The following ASIC2 variants were observed in gnomAD, a reference collection of about 807,000 sequenced individuals.
The protein encoded by ASIC2 is acid-sensing ion channel 2.
A neutral mutation model predicts 57.3 loss-of-function variants in ASIC2; 25 were observed. The ratio of observed to expected loss-of-function variants is 0.44; its 90% CI spans 0.32 to 0.61. The LOEUF is 0.61. Ranked by LOEUF, ASIC2 falls within the 20% of genes least tolerant of loss-of-function variation. The pLI is 0.06. For missense variants in ASIC2, 641 were observed against 738.1 expected (o/e 0.87, Z 1.52); for synonymous variants, 319 against 307.5 (o/e 1.04, Z -0.39).
chr17:34,007,183 G>A (rs953369012), intron 1 of ASIC2, among the ~76,000 whole-genome samples: 1 of 152,102 alleles, frequency 6.6e-6, no homozygotes, highest in Admixed American at 6.5e-5. Flanking sequence ...CATCAAAATC[G>A]ATTTTAGAGC....
chr17:33,958,687 C>T (rs934896765), intron 1 of ASIC2, among the ~76,000 whole-genome samples: 2 of 152,122 alleles, frequency 1.3e-5, no homozygotes, highest in Non-Finnish European at 2.9e-5. Context: ...GACCTCCCAG[C>T]CTGTGATGGG....
At chr17:33,305,772 G>A (rs1303001494) in intron 1 of ASIC2, among the ~76,000 whole-genome samples, 1 of 152,170 alleles carries the variant, frequency 6.6e-6, no homozygotes, top group African/African-American at 2.4e-5. Context: ...AAAAAAAGTT[G>A]TGATGCTTAA....
intron 1 of ASIC2, among the ~76,000 whole-genome samples, chr17:33,716,894 A>G (rs1909241096): frequency 6.6e-6 from 1 of 152,234 alleles, no homozygotes; most frequent in Non-Finnish European, 1.5e-5. Flanking sequence ...AAGGCACTTC[A>G]ATATAGCATG....
At chr17:34,120,807 C>T (rs1408532894) in intron 1 of ASIC2, among the ~76,000 whole-genome samples, 4 of 140,476 alleles carry the variant, frequency 2.8e-5, no homozygotes, top group Admixed American at 2.3e-4. Context: ...GGCACCATCT[C>T]GGCTCACTGC....
At chr17:33,225,218 C>T (rs1907834154) in intron 1 of ASIC2, among the ~76,000 whole-genome samples, 1 of 152,182 alleles carries the variant, frequency 6.6e-6, no homozygotes, top group African/African-American at 2.4e-5. Flanking sequence ...TTTGTTATAG[C>T]AAGAAACTGA....
chr17:34,078,259 C>G (rs1294852256), intron 1 of ASIC2, among the ~76,000 whole-genome samples: 3 of 152,186 alleles, frequency 2.0e-5, no homozygotes, highest in Non-Finnish European at 1.5e-5. Context: ...GAGGTAGGCT[C>G]TGATTCATCC....
chr17:33,106,432 T>A (rs4239236), intron 2 of ASIC2, among the ~76,000 whole-genome samples: 97,060 of 152,126 alleles, frequency 0.64, 31,403 homozygotes, highest in African/African-American at 0.74. Flanking sequence ...GAAGGAGATG[T>A]GAAAGGGAGG....
intron 1 of ASIC2, among the ~76,000 whole-genome samples, chr17:33,392,412 C>T (rs544327099): frequency 1.3e-5 from 2 of 152,044 alleles, no homozygotes; most frequent in African/African-American, 4.8e-5. Context: ...TACAGGTGCC[C>T]ACCACCACAC....
At chr17:33,173,164 G>A (rs1303773994) in intron 1 of ASIC2, among the ~76,000 whole-genome samples, 4 of 152,150 alleles carry the variant, frequency 2.6e-5, no homozygotes, top group Admixed American at 2.6e-4. Flanking sequence ...TATAGAAGAT[G>A]AGGCAGACTC....
At chr17:33,489,947 T>C (rs1327614319) in intron 1 of ASIC2, among the ~76,000 whole-genome samples, 2 of 152,246 alleles carry the variant, frequency 1.3e-5, no homozygotes, top group Non-Finnish European at 2.9e-5. Context: ...TATTCCACGA[T>C]CTTAACTGAA....
intron 3 of ASIC2, among the ~76,000 whole-genome samples, chr17:33,037,372 G>T (rs2091913153): frequency 6.7e-6 from 1 of 149,748 alleles, no homozygotes. Context: ...TTTGTTCAGG[G>T]TCAGCCACTT....
chr17:33,413,694 CT>C (rs1910740956), intron 1 of ASIC2, among the ~76,000 whole-genome samples: 2 of 152,228 alleles, frequency 1.3e-5, no homozygotes, highest in Middle Eastern at 3.2e-3. Flanking sequence ...TTGGCCCATC[CT>C]TTTCCCAGCC....
chr17:33,765,575 T>C (rs116395778), intron 1 of ASIC2, among the ~76,000 whole-genome samples: 68 of 152,276 alleles, frequency 4.5e-4, no homozygotes, highest in African/African-American at 1.5e-3. Context: ...GGTTTCAAAA[T>C]AGTATGATTT....
At chr17:33,279,166 C>T (rs1352164835) in intron 1 of ASIC2, among the ~76,000 whole-genome samples, 4 of 152,178 alleles carry the variant, frequency 2.6e-5, no homozygotes, top group Non-Finnish European at 5.9e-5. Context: ...ATATTCGGGT[C>T]ATAGATAAGG....
intron 1 of ASIC2, among the ~76,000 whole-genome samples, chr17:33,453,284 GAAAA>G (rs3057620): frequency 1.4e-4 from 18 of 129,638 alleles, no homozygotes; most frequent in Non-Finnish European, 1.5e-4. Flanking sequence ...CAAAGCAGGT[GAAAA>G]AAAAAAAAAA....
At chr17:33,499,498 G>A (rs950599415) in intron 1 of ASIC2, among the ~76,000 whole-genome samples, 13 of 152,224 alleles carry the variant, frequency 8.5e-5, no homozygotes, top group African/African-American at 3.1e-4. Flanking sequence ...CATCTATAAA[G>A]CCAAGGAGGG....
chr17:33,516,431 T>A (rs73983935), intron 1 of ASIC2, among the ~76,000 whole-genome samples: 1,910 of 152,082 alleles, frequency 0.013, 42 homozygotes, highest in African/African-American at 0.044. Context: ...TGTGTGTGTA[T>A]GGAGGAGGGG....
intron 1 of ASIC2, among the ~76,000 whole-genome samples, chr17:33,671,119 C>T (rs1467271867): frequency 6.6e-6 from 1 of 152,112 alleles, no homozygotes; most frequent in African/African-American, 2.4e-5. Flanking sequence ...CATGATACAA[C>T]TTGCTCTTTA....
chr17:33,838,165 C>A (rs1420754932), intron 1 of ASIC2, among the ~76,000 whole-genome samples: 1 of 152,166 alleles, frequency 6.6e-6, no homozygotes, highest in Non-Finnish European at 1.5e-5. Flanking sequence ...TTCACTAGGG[C>A]AACTTTATCT....
Sources: gnomAD v4.1 joint callset for allele counts (sites outside exome capture counted in the v4.1 genomes callset) on GRCh38, gnomAD v4.1.1 for gene constraint, MANE v1.5 for transcripts, NCBI Gene and HGNC (gene_info 2026-07-23, HGNC 2026-07-21) for gene names.